The following CNTNAP5 variants were observed in gnomAD, a reference collection of about 807,000 sequenced individuals.
CNTNAP5 encodes contactin associated protein family member 5, also known as contactin-associated protein-like 5.
Under a neutral mutation model 150.2 loss-of-function variants are expected in CNTNAP5, and 72 were observed. The ratio of observed to expected loss-of-function variants is 0.48; its 90% CI spans 0.40 to 0.58. CNTNAP5 has a LOEUF of 0.58. CNTNAP5 is among the 20% of genes least tolerant of loss of function. The pLI is 0.00. For missense variants in CNTNAP5, 1,636 were observed against 1,626.2 expected (o/e 1.01, Z -0.10); for synonymous variants, 672 against 619.8 (o/e 1.08, Z -1.25).
intron 13 of CNTNAP5, among the ~76,000 whole-genome samples, chr2:124,655,799 G>A (rs978099981): frequency 6.6e-6 from 1 of 151,632 alleles, no homozygotes; most frequent in Non-Finnish European, 1.5e-5. Flanking sequence ...TCCTCTAGAG[G>A]CTGAAGTGGA....
chr2:124,222,558 A>G (rs1345261428), intron 2 of CNTNAP5, among the ~76,000 whole-genome samples: 1 of 152,086 alleles, frequency 6.6e-6, no homozygotes, highest in Non-Finnish European at 1.5e-5. Flanking sequence ...AACTTTTCCT[A>G]GGTCAAGAAA....
chr2:124,093,387 C>T (rs543993956), intron 1 of CNTNAP5, among the ~76,000 whole-genome samples: 403 of 152,314 alleles, frequency 2.6e-3, no homozygotes, highest in Admixed American at 6.9e-3. Flanking sequence ...TGAGCAGTTA[C>T]TATTATGATT....
intron 1 of CNTNAP5, among the ~76,000 whole-genome samples, chr2:124,108,825 G>T (rs1446485039): frequency 6.6e-6 from 1 of 152,126 alleles, no homozygotes; most frequent in Non-Finnish European, 1.5e-5. Context: ...ACCAGAAAGT[G>T]ATCAATTATT....
Position 124,102,571 on chromosome 2 carries a change from T to C in CNTNAP5, c.82+76839T>C, listed in dbSNP as rs149438773. 2.0e-5 allele frequency among the ~76,000 whole-genome samples: 3 copies of C among 152,308 alleles called. No homozygotes were observed. In the East Asian group the frequency reaches 5.8e-4, roughly 29 times the overall value. On this transcript the variant is annotated intron_variant, in intron 1 of 23. Transcript: ENST00000682447. ...CCAACAGAAGTCACAGAGGCGGACC[T>C]GGAAGCAATGAGAAAGCTAACTATT...
intron 3 of CNTNAP5, among the ~76,000 whole-genome samples, chr2:124,304,429 C>T (rs1046014045): frequency 1.4e-5 from 2 of 146,796 alleles, no homozygotes; most frequent in East Asian, 3.9e-4. Context: ...AAACACTGAA[C>T]CAAGAATTGT....
chr2:124,859,900 G>GT (rs1277340814), intron 19 of CNTNAP5, among the ~76,000 whole-genome samples: 3 of 152,198 alleles, frequency 2.0e-5, no homozygotes, highest in African/African-American at 7.2e-5. Flanking sequence ...CATACACTGG[G>GT]GCCTGTGGTG....
intron 21 of CNTNAP5, among the ~76,000 whole-genome samples, chr2:124,875,729 TG>T (rs1161462775): frequency 5.3e-5 from 8 of 151,152 alleles, no homozygotes; most frequent in Admixed American, 1.3e-4. Flanking sequence ...TTTTCTTTTT[TG>T]TTAATGTGTC....
intron 13 of CNTNAP5, among the ~76,000 whole-genome samples, chr2:124,679,223 G>A (rs538708433): frequency 5.3e-5 from 8 of 152,004 alleles, no homozygotes; most frequent in African/African-American, 1.9e-4. Flanking sequence ...ATCTCCTCAA[G>A]GAGATGAATT....
At chr2:124,145,826 A>AAT (rs1558773912) in intron 1 of CNTNAP5, among the ~76,000 whole-genome samples, 1 of 3,672 alleles carries the variant, frequency 2.7e-4, no homozygotes, top group Non-Finnish European at 1.0e-3. Flanking sequence ...AAAAAAAAAA[A>AAT]AAGAAGAAAA....
At chr2:124,549,149 A>G (rs1695577901) in intron 10 of CNTNAP5, among the ~76,000 whole-genome samples, 2 of 152,212 alleles carry the variant, frequency 1.3e-5, no homozygotes, top group African/African-American at 4.8e-5. Flanking sequence ...CAACATGTCA[A>G]AATCGATGAG....
intron 1 of CNTNAP5, among the ~76,000 whole-genome samples, chr2:124,104,677 C>G (rs1683136742): frequency 6.6e-6 from 1 of 152,140 alleles, no homozygotes; most frequent in African/African-American, 2.4e-5. Flanking sequence ...TCCCACCCCA[C>G]TCTGAACACT....
intron 21 of CNTNAP5, among the ~76,000 whole-genome samples, chr2:124,898,173 C>A (rs1484929762): frequency 6.6e-6 from 1 of 151,336 alleles, no homozygotes; most frequent in Non-Finnish European, 1.5e-5. Flanking sequence ...TTCTGCTTAA[C>A]TATATTTTAC....
At chr2:124,044,280 T>C (rs907750931) in intron 1 of CNTNAP5, among the ~76,000 whole-genome samples, 13 of 152,196 alleles carry the variant, frequency 8.5e-5, no homozygotes, top group African/African-American at 2.9e-4. Flanking sequence ...AATAAATTTA[T>C]GTTTAGAGTG....
intron 1 of CNTNAP5, among the ~76,000 whole-genome samples, chr2:124,129,830 C>T (rs967018934): frequency 4.6e-5 from 7 of 152,096 alleles, no homozygotes; most frequent in East Asian, 1.9e-4. Flanking sequence ...ATTTTCCTGA[C>T]GGATGTTGGA....
At chr2:124,069,049 G>A (rs996140942) in intron 1 of CNTNAP5, among the ~76,000 whole-genome samples, 1 of 152,088 alleles carries the variant, frequency 6.6e-6, no homozygotes, top group Admixed American at 6.5e-5. Flanking sequence ...GGGTACCCAA[G>A]TCCAGGCCTA....
At chr2:124,653,894 T>TCC (rs1678372595) in intron 13 of CNTNAP5, among the ~76,000 whole-genome samples, 1 of 98,988 alleles carries the variant, frequency 1.0e-5, no homozygotes. Context: ...GACAGAAACA[T>TCC]GCCCCCACTG....
In CNTNAP5 at chr2:124,698,834, A is replaced by G. The variant is rs181318797; in HGVS notation, c.2078-48395A>G. On this transcript the variant is annotated intron_variant, in intron 13 of 23. Transcript: ENST00000682447. Reference sequence around the variant, plus strand: ...TTCCCACCCCCTAGGCCATTAGAAAACCTGCATGAGAGACTCACTCTGCCC... The same window carrying G: ...TTCCCACCCCCTAGGCCATTAGAAAGCCTGCATGAGAGACTCACTCTGCCC... Among the ~76,000 whole-genome samples, 317 of 151,956 alleles carry G rather than the reference A, an allele frequency of 2.1e-3. 1 individual carries two copies. Among genetic ancestry groups the G allele is most frequent in the African/African-American group, 7.2e-3 (300 of 41,452 alleles).
Position 124,707,018 on chromosome 2 carries a change from G to GAGAAGAAGAAGAAGA in CNTNAP5, c.2078-40202_2078-40188dup, listed in dbSNP as rs200269843. On this transcript the variant is annotated intron_variant, in intron 13 of 23. Coordinates refer to ENST00000682447, the MANE Select transcript of CNTNAP5 (RefSeq NM_001367498.1). ...GAAGAGGAAGAAGAAGGAGGAGGAG[G>GAGAAGAAGAAGAAGA]AGAAGAAGAAGAAGAAGAAGAAGGA... Among the ~76,000 whole-genome samples, 57 of 74,216 alleles carry GAGAAGAAGAAGAAGA rather than the reference G, an allele frequency of 7.7e-4. 2 individuals are homozygous for GAGAAGAAGAAGAAGA. The highest frequency in any genetic ancestry group is 3.2e-3 in the African/African-American group (57 of 17,662). The allele number at this position is 74,216 out of a possible 152,430, so 48.7% of individuals were successfully genotyped here.
chr2:124,603,772 GATAA>G (rs1248569408), intron 11 of CNTNAP5, among the ~76,000 whole-genome samples: 1 of 152,020 alleles, frequency 6.6e-6, no homozygotes, highest in South Asian at 2.1e-4. Flanking sequence ...TAGATAGATA[GATAA>G]ATAAATACAT....
Sources: allele counts gnomAD v4.1 joint callset (sites outside exome capture counted in the v4.1 genomes callset), GRCh38; gene constraint gnomAD v4.1.1; transcripts MANE v1.5; gene names NCBI Gene and HGNC (gene_info 2026-07-23, HGNC 2026-07-21).